LRRC20: variants seen among roughly 807,000 people sequenced by gnomAD.
LRRC20 encodes leucine-rich repeat-containing protein 20.
In LRRC20, 11 loss-of-function variants were observed where a neutral mutation model predicts 14.4. That is an observed-to-expected ratio of 0.77 (90% CI 0.48 to 1.27). LRRC20 has a LOEUF of 1.27. LRRC20 is among the 50% of genes most tolerant of loss of function. The probability of loss-of-function intolerance (pLI) is 0.00; values close to 1 mark genes in which losing one functional copy is unlikely to be tolerated. For synonymous variants in LRRC20, 121 were observed against 107.3 expected, an observed-to-expected ratio of 1.13 and a Z score of -0.79; for missense variants, 219 against 251.2, an observed-to-expected ratio of 0.87 and a Z score of 0.87.
intron 2 of LRRC20, among the ~76,000 whole-genome samples, chr10:70,363,088 TG>T (rs1843811738): frequency 7.0e-6 from 1 of 143,516 alleles, no homozygotes; most frequent in Non-Finnish European, 1.5e-5. Flanking sequence ...CTGGGCAAGA[TG>T]GTGAGACTTA....
Position 70,324,147 on chromosome 10 carries a change from T to G in LRRC20, c.233-117A>C, listed in dbSNP as rs1842220682. The stretch of plus-strand genomic sequence containing the variant: ...GGCCAGGAAGGCACAGAGGAAGCCC[T>G]AGGCCACAGAGGGAGCCCCGCACAG... On this transcript the variant is annotated intron_variant, in intron 3 of 4. Coordinates refer to ENST00000446961, the MANE Select transcript of LRRC20 (RefSeq NM_001278212.2). The G allele has an allele frequency of 4.4e-6, 4 of 901,082 alleles. No homozygotes were observed. The South Asian group carries it at 6.0e-5, about 13-fold the overall frequency. The allele number at this position is 901,082 out of a possible 1,614,324, so 55.8% of individuals were successfully genotyped here.
intron 2 of LRRC20, among the ~76,000 whole-genome samples, chr10:70,349,664 A>G (rs1231261351): frequency 6.6e-6 from 1 of 152,194 alleles, no homozygotes; most frequent in African/African-American, 2.4e-5. Context: ...CACTTTTTCT[A>G]TAGTAACTCA....
At chr10:70,316,244 C>T (rs776432449) in intron 4 of LRRC20, among the ~76,000 whole-genome samples, 11 of 152,178 alleles carry the variant, frequency 7.2e-5, no homozygotes, top group East Asian at 1.9e-4. Flanking sequence ...GCAATTTTCC[C>T]GCCTCAGCCT....
chr10:70,329,833 G>A (rs989804974), intron 3 of LRRC20, among the ~76,000 whole-genome samples: 2 of 152,162 alleles, frequency 1.3e-5, no homozygotes, highest in African/African-American at 4.8e-5. Context: ...CCAAAGTGCT[G>A]GGATTACAGG....
chr10:70,310,106 C>T (rs985858357), intron 4 of LRRC20, among the ~76,000 whole-genome samples: 1 of 152,228 alleles, frequency 6.6e-6, no homozygotes, highest in Non-Finnish European at 1.5e-5. Flanking sequence ...GAGGAAGGAG[C>T]GATGGGACCA....
At chr10:70,308,635 G>C (rs1841519843) in intron 4 of LRRC20, among the ~76,000 whole-genome samples, 1 of 152,010 alleles carries the variant, frequency 6.6e-6, no homozygotes, top group African/African-American at 2.4e-5. Context: ...GGAGGGGCTG[G>C]TCATCACCTG....
At chr10:70,355,693 C>T (rs1460712213) in intron 2 of LRRC20, among the ~76,000 whole-genome samples, 1 of 152,196 alleles carries the variant, frequency 6.6e-6, no homozygotes, top group East Asian at 1.9e-4. Context: ...CAAATATCTC[C>T]AGTTTAAAGA....
At chr10:70,373,078 T>C (rs141391782) in intron 2 of LRRC20, among the ~76,000 whole-genome samples, 1 of 151,584 alleles carries the variant, frequency 6.6e-6, no homozygotes, top group Non-Finnish European at 1.5e-5. Context: ...GCCATGGCAC[T>C]CCAGCCTGGG....
chr10:70,381,223 A>G (rs1014146630), intron 1 of LRRC20, among the ~76,000 whole-genome samples: 1 of 152,236 alleles, frequency 6.6e-6, no homozygotes, highest in Admixed American at 6.5e-5. Flanking sequence ...GAAGTAACTG[A>G]TATGTAACTT....
At chr10:70,307,136 G>C (rs1201305058) in intron 4 of LRRC20, among the ~76,000 whole-genome samples, 2 of 152,230 alleles carry the variant, frequency 1.3e-5, no homozygotes, top group East Asian at 3.9e-4. Flanking sequence ...ATGGGGAAGA[G>C]TATTAGTGCC....
intron 3 of LRRC20, among the ~76,000 whole-genome samples, chr10:70,330,975 G>A (rs1362206402): frequency 6.6e-6 from 1 of 152,210 alleles, no homozygotes; most frequent in Non-Finnish European, 1.5e-5. Flanking sequence ...ACCCTGAACT[G>A]AGGTCTCGCC....
chr10:70,371,797 G>C (rs1230026045), intron 2 of LRRC20, among the ~76,000 whole-genome samples: 1 of 152,144 alleles, frequency 6.6e-6, no homozygotes, highest in Admixed American at 6.5e-5. Flanking sequence ...CCTCCCAGGG[G>C]CCAAATGGAA....
intron 2 of LRRC20, among the ~76,000 whole-genome samples, chr10:70,348,667 G>A (rs1843168130): frequency 6.6e-6 from 1 of 152,178 alleles, no homozygotes; most frequent in South Asian, 2.1e-4. Context: ...ATGCCTAGGT[G>A]CCTGGCTCTA....
intron 3 of LRRC20, among the ~76,000 whole-genome samples, chr10:70,333,642 C>A (rs1842619533): frequency 6.6e-6 from 1 of 152,204 alleles, no homozygotes; most frequent in South Asian, 2.1e-4. Flanking sequence ...GCCTTTGCTT[C>A]ACTGAGGTCA....
intron 2 of LRRC20, among the ~76,000 whole-genome samples, chr10:70,374,366 T>G (rs1041256157): frequency 3.3e-5 from 5 of 149,448 alleles, no homozygotes; most frequent in African/African-American, 1.2e-4. Flanking sequence ...TTTTTTTTTT[T>G]TGAGATGGAA....
At chr10:70,334,907 T>G (rs1258422073) in intron 3 of LRRC20, among the ~76,000 whole-genome samples, 1 of 152,164 alleles carries the variant, frequency 6.6e-6, no homozygotes. Context: ...CCCCATTTTC[T>G]CTGGCAGGCA....
At chr10:70,310,666 C>G (rs945988008) in intron 4 of LRRC20, among the ~76,000 whole-genome samples, 1 of 152,222 alleles carries the variant, frequency 6.6e-6, no homozygotes, top group Non-Finnish European at 1.5e-5. Flanking sequence ...ACCTTTTGAA[C>G]TAGACCATGA....
chr10:70,338,648 GTT>G (rs1001863353), intron 3 of LRRC20, among the ~76,000 whole-genome samples: 2 of 151,944 alleles, frequency 1.3e-5, no homozygotes, highest in African/African-American at 4.8e-5. Flanking sequence ...TGTTTTTTTG[GTT>G]TTTGTTTGTT....
chr10:70,361,063 A>AAAG (rs1554843114), intron 2 of LRRC20, among the ~76,000 whole-genome samples: 4 of 151,368 alleles, frequency 2.6e-5, no homozygotes, highest in African/African-American at 4.8e-5. Flanking sequence ...AAAAAAAAAA[A>AAAG]AGAGAGAGAG....
Sources: gnomAD v4.1 joint callset for allele counts (sites outside exome capture counted in the v4.1 genomes callset) on GRCh38, gnomAD v4.1.1 for gene constraint, MANE v1.5 for transcripts, NCBI Gene and HGNC (gene_info 2026-07-23, HGNC 2026-07-21) for gene names.